The following ANKFN1 variants were observed in gnomAD, a reference collection of about 807,000 sequenced individuals.
ANKFN1 encodes the protein ankyrin repeat and fibronectin type III domain containing 1.
In ANKFN1, 74 loss-of-function variants were observed where a neutral mutation model predicts 108.7. That is an observed-to-expected ratio of 0.68 (90% CI 0.56 to 0.83). ANKFN1 has a LOEUF of 0.83. Among genes scored for constraint, ANKFN1 ranks in the 40% least tolerant of loss-of-function variants. The pLI, the probability that ANKFN1 is intolerant of heterozygous loss-of-function variation, is 0.00. For missense variants in ANKFN1, 1,505 were observed against 1,382.3 expected (o/e 1.09, Z -1.41); for synonymous variants, 547 against 516.2 (o/e 1.06, Z -0.81).
intron 14 of ANKFN1, 51 bp from the exon 15 acceptor site, chr17:56,466,305 G>T (rs755151199): frequency 2.7e-6 from 4 of 1,502,744 alleles, no homozygotes; most frequent in South Asian, 1.1e-5. Flanking sequence ...CCGTTGTGTT[G>T]CTTTGTTAGC....
intron 8 of ANKFN1, among the ~76,000 whole-genome samples, chr17:56,403,209 G>A (rs940619390): frequency 6.6e-6 from 1 of 152,120 alleles, no homozygotes; most frequent in Non-Finnish European, 1.5e-5. Context: ...TATCTGTTAA[G>A]TCTATTTGTT....
intron 1 of ANKFN1, among the ~76,000 whole-genome samples, chr17:56,208,457 A>G (rs2143797406): frequency 6.6e-6 from 1 of 152,286 alleles, no homozygotes; most frequent in African/African-American, 2.4e-5. Context: ...TTATCAAAAA[A>G]TGTCTCCAGA....
At chr17:56,264,983 A>G (rs1466267183) in intron 3 of ANKFN1, among the ~76,000 whole-genome samples, 1 of 152,088 alleles carries the variant, frequency 6.6e-6, no homozygotes, top group Non-Finnish European at 1.5e-5. Flanking sequence ...TTTTTATGTG[A>G]TAACCCCATC....
intron 13 of ANKFN1, 69 bp downstream of exon 13, chr17:56,457,458 A>G (rs959224439): frequency 6.8e-7 from 1 of 1,467,918 alleles, no homozygotes; most frequent in East Asian, 2.3e-5. Flanking sequence ...TCTCTGAAAC[A>G]TTAGTTGAGG....
chr17:56,350,663 A>G, intron 4 of ANKFN1, 103 bp from the exon 5 acceptor site: 3 of 1,094,734 alleles, frequency 2.7e-6, no homozygotes, highest in South Asian at 1.4e-5. Context: ...ACCAGCTCTA[A>G]TATTGTATTT....
rs562805575 is a variant in ANKFN1 at position 56,123,006 on chromosome 17, A to G, written c.288+76681A>G. On this transcript the variant is annotated intron_variant, in intron 4 of 12. Coordinates refer to the ANKFN1 transcript ENST00000635860. Reference sequence around the variant, plus strand: ...ATAAGGTGAGCCTAATATTAATAGCAAACATTTATTGAGTACTTATTATGT... The same window carrying G: ...ATAAGGTGAGCCTAATATTAATAGCGAACATTTATTGAGTACTTATTATGT... Among the ~76,000 whole-genome samples, 6 of 152,358 alleles carry G rather than the reference A, an allele frequency of 3.9e-5. No homozygotes were observed. In the South Asian group the frequency reaches 1.0e-3, roughly 26 times the overall value.
At chr17:56,104,562 AG>A (rs1905706476) in intron 4 of ANKFN1, among the ~76,000 whole-genome samples, 1 of 152,146 alleles carries the variant, frequency 6.6e-6, no homozygotes, top group African/African-American at 2.4e-5. Flanking sequence ...TGTGGGTATC[AG>A]GTTTGGGGAG....
intron 3 of ANKFN1, among the ~76,000 whole-genome samples, chr17:56,272,189 AC>A (rs1053890052): frequency 2.6e-5 from 4 of 152,158 alleles, no homozygotes; most frequent in Non-Finnish European, 5.9e-5. Context: ...CTTCAAATGC[AC>A]CGTTCAGTGG....
intron 4 of ANKFN1, among the ~76,000 whole-genome samples, chr17:56,346,727 G>A (rs937714390): frequency 9.4e-6 from 1 of 106,014 alleles, no homozygotes; most frequent in Admixed American, 1.2e-4. Flanking sequence ...TCCCATTGAC[G>A]TACTATTTTT....
chr17:56,510,278 T>C (rs928348744), intron 20 of ANKFN1, among the ~76,000 whole-genome samples, 195 bp from the exon 21 acceptor site: 3 of 152,100 alleles, frequency 2.0e-5, no homozygotes, highest in African/African-American at 4.8e-5. Flanking sequence ...ACTACATAAT[T>C]TGTGGGGTCC....
intron 2 of ANKFN1, among the ~76,000 whole-genome samples, chr17:56,216,372 CTG>C (rs1450199884): frequency 1.3e-5 from 2 of 152,152 alleles, no homozygotes; most frequent in African/African-American, 4.8e-5. Flanking sequence ...TTCTGTGAGT[CTG>C]TATTGTCAGC....
chr17:56,128,178 A>T (rs72829745), intron 4 of ANKFN1, among the ~76,000 whole-genome samples: 5,751 of 152,152 alleles, frequency 0.038, 119 homozygotes, highest in Middle Eastern at 0.082. Flanking sequence ...AAAGAGCTAG[A>T]AAGACTGTAG....
intron 8 of ANKFN1, among the ~76,000 whole-genome samples, chr17:56,381,963 C>T (rs1419811994): frequency 6.6e-6 from 1 of 151,908 alleles, no homozygotes; most frequent in Non-Finnish European, 1.5e-5. Context: ...TCGAGAAGAG[C>T]AACTCCAAGA....
intron 11 of ANKFN1, among the ~76,000 whole-genome samples, chr17:56,456,467 G>A (rs548156297): frequency 1.4e-5 from 2 of 138,024 alleles, no homozygotes; most frequent in Non-Finnish European, 3.0e-5. Context: ...GCACGATCTC[G>A]GCTCACTACA....
chr17:56,208,721 A>G (rs547205644), intron 1 of ANKFN1, among the ~76,000 whole-genome samples: 2 of 152,200 alleles, frequency 1.3e-5, no homozygotes, highest in Admixed American at 1.3e-4. Context: ...TTACATCCCT[A>G]TTCAGTGTGG....
At chr17:56,365,586 T>C (rs906224405) in intron 6 of ANKFN1, among the ~76,000 whole-genome samples, 3 of 152,182 alleles carry the variant, frequency 2.0e-5, no homozygotes, top group Non-Finnish European at 2.9e-5. Context: ...CAAAGCCCTT[T>C]TACCACGTTG....
chr17:56,073,902 C>T (rs1288196942), intron 4 of ANKFN1, among the ~76,000 whole-genome samples: 1 of 152,108 alleles, frequency 6.6e-6, no homozygotes, highest in Non-Finnish European at 1.5e-5. Context: ...GTGTATCTAT[C>T]CATTGATGAG....
intron 4 of ANKFN1, among the ~76,000 whole-genome samples, chr17:56,110,289 C>T (rs181725626): frequency 2.6e-5 from 4 of 152,258 alleles, no homozygotes; most frequent in Admixed American, 6.5e-5. Context: ...AGAAGGCTCC[C>T]GTCCCATTTA....
intron 8 of ANKFN1, among the ~76,000 whole-genome samples, chr17:56,439,190 T>C (rs2049020717): frequency 6.6e-6 from 1 of 152,162 alleles, no homozygotes; most frequent in Non-Finnish European, 1.5e-5. Flanking sequence ...AAGGGAACTG[T>C]GTGACTCGAG....
Sources: gnomAD v4.1 joint callset for allele counts (sites outside exome capture counted in the v4.1 genomes callset) on GRCh38, gnomAD v4.1.1 for gene constraint, MANE v1.5 for transcripts, NCBI Gene and HGNC (gene_info 2026-07-23, HGNC 2026-07-21) for gene names.